CRTC3: variants seen among roughly 807,000 people sequenced by gnomAD.
CRTC3 encodes CREB-regulated transcription coactivator 3.
Under a neutral mutation model 74.5 loss-of-function variants are expected in CRTC3, and 26 were observed. The observed-to-expected ratio is 0.35, with a 90% CI of 0.26 to 0.48. The LOEUF is 0.48. CRTC3 is among the 20% of genes least tolerant of loss of function. The probability of loss-of-function intolerance (pLI) is 0.99; values close to 1 mark genes in which losing one functional copy is unlikely to be tolerated. For synonymous variants in CRTC3, 377 were observed against 325.8 expected (o/e 1.16, Z -1.69); for missense variants, 760 against 787.3 (o/e 0.97, Z 0.41).
intron 2 of CRTC3, among the ~76,000 whole-genome samples, chr15:90,590,246 T>A (rs1647242566): frequency 6.6e-6 from 1 of 151,438 alleles, no homozygotes; most frequent in Non-Finnish European, 1.5e-5. Context: ...TGAGCCAAGA[T>A]CATACCACTT....
chr15:90,559,266 T>C (rs560729694), intron 2 of CRTC3, among the ~76,000 whole-genome samples: 1 of 152,304 alleles, frequency 6.6e-6, no homozygotes, highest in Admixed American at 6.5e-5. Flanking sequence ...ATTGAATTCT[T>C]ACAGTAACCT....
chr15:90,587,574 T>C (rs1325014436), intron 2 of CRTC3, among the ~76,000 whole-genome samples: 1 of 152,128 alleles, frequency 6.6e-6, no homozygotes, highest in Non-Finnish European at 1.5e-5. Flanking sequence ...TTAAAACACA[T>C]AGAGTCCTAT....
chr15:90,575,671 C>G (rs937071830), intron 2 of CRTC3, among the ~76,000 whole-genome samples: 1 of 152,060 alleles, frequency 6.6e-6, no homozygotes, highest in African/African-American at 2.4e-5. Context: ...TATTAATCTG[C>G]GTGTCTATTC....
intron 2 of CRTC3, among the ~76,000 whole-genome samples, chr15:90,562,756 G>A (rs780887843): frequency 1.3e-5 from 2 of 152,076 alleles, no homozygotes; most frequent in African/African-American, 2.4e-5. Flanking sequence ...TCTCACCCTG[G>A]AACTTGGTTA....
intron 10 of CRTC3, among the ~76,000 whole-genome samples, chr15:90,628,257 C>A (rs925301955): frequency 2.6e-5 from 4 of 151,936 alleles, no homozygotes; most frequent in African/African-American, 4.8e-5. Flanking sequence ...AATAATTTTG[C>A]CAGCTGCTGG....
rs115612825 is a variant in CRTC3 at position 90,569,028 on chromosome 15, G to A, written c.232-24608G>A. 3.2e-3 allele frequency among the ~76,000 whole-genome samples: 472 copies of A among 148,046 alleles called. 5 individuals are homozygous for A. The highest frequency in any genetic ancestry group is 0.011 in the African/African-American group (438 of 40,198). ...TTTTTAAAGAGACAGAGTTTCTCCC[G>A]GTCACCCAGGCGAGAGTGCAGTGGT... On this transcript the variant is annotated intron_variant, in intron 2 of 14. Transcript: ENST00000268184.
Position 90,602,345 on chromosome 15 carries a change from G to C in CRTC3, c.373G>C (p.Ala125Pro). ...GRQFDGSAFG[A>P]NYSSQPLDES... Reference sequence around the variant, plus strand: ...CTACTTTGATGGTAGTGCTTTTGGAGCCAATTATTCCTCACAGCCTCTGGA... The same window carrying C: ...CTACTTTGATGGTAGTGCTTTTGGACCCAATTATTCCTCACAGCCTCTGGA... Residue 125 changes from alanine (A) to proline (P), a missense_variant, in exon 4 of 15, where the codon GCC (alanine) becomes CCC (proline). This residue lies in a region of CRTC3 where 652 missense variants were observed against 635.2 expected (regional missense o/e 1.03). Coordinates refer to ENST00000268184, the MANE Select transcript of CRTC3 (RefSeq NM_022769.5). 1 of 1,600,044 alleles carries C rather than the reference G, an allele frequency of 6.2e-7. No individual in the cohort carries two copies.
intron 2 of CRTC3, among the ~76,000 whole-genome samples, chr15:90,550,664 A>G (rs1447056483): frequency 6.6e-6 from 1 of 151,736 alleles, no homozygotes; most frequent in Non-Finnish European, 1.5e-5. Flanking sequence ...CTGTGTGCAT[A>G]TTTGCATGTC....
chr15:90,544,863 A>T (rs1306043506), intron 2 of CRTC3, among the ~76,000 whole-genome samples: 1 of 152,226 alleles, frequency 6.6e-6, no homozygotes, highest in Non-Finnish European at 1.5e-5. Flanking sequence ...CATTTTTTAA[A>T]GTAGTTTATT....
chr15:90,604,576 AC>A (rs1968168127), intron 5 of CRTC3, 129 bp downstream of exon 5: 1 of 721,544 alleles, frequency 1.4e-6, no homozygotes, highest in Non-Finnish European at 2.4e-6. Flanking sequence ...TCAAAACAAA[AC>A]CCACCATTTT....
rs1262136499 is a variant in CRTC3, at chr15:90,626,004, C to T, written c.967+11C>T. The T allele has an allele frequency of 6.2e-7, 1 of 1,607,866 alleles. No homozygotes were observed. Among genetic ancestry groups the T allele is most frequent in the Non-Finnish European group, 8.5e-7 (1 of 1,174,374 alleles). On this transcript the variant is annotated intron_variant, in intron 10 of 14. Coordinates refer to ENST00000268184, the MANE Select transcript of CRTC3 (RefSeq NM_022769.5). Reference sequence around the variant, plus strand: ...TAAGAAGCTCCTCTGGTGAGTATCTCCTGCTTAGCAGTGACCTGGTGGCTT... The same window carrying T: ...TAAGAAGCTCCTCTGGTGAGTATCTTCTGCTTAGCAGTGACCTGGTGGCTT...
chr15:90,637,417 A>AG (rs535025948), intron 11 of CRTC3, among the ~76,000 whole-genome samples: 46 of 152,282 alleles, frequency 3.0e-4, no homozygotes, highest in African/African-American at 1.1e-3. Context: ...GATGCGGGGA[A>AG]GGGGGAGGGA....
intron 2 of CRTC3, among the ~76,000 whole-genome samples, chr15:90,586,547 G>A (rs1967669485): frequency 6.6e-6 from 1 of 151,764 alleles, no homozygotes; most frequent in Non-Finnish European, 1.5e-5. Flanking sequence ...TGTGTTTTTA[G>A]TAGAGACGGG....
At chr15:90,601,376 G>T (rs1027797659) in intron 3 of CRTC3, among the ~76,000 whole-genome samples, 64 of 152,126 alleles carry the variant, frequency 4.2e-4, no homozygotes, top group African/African-American at 1.5e-3. Context: ...ACCGCCGGGC[G>T]CAGTGGCTCA....
intron 2 of CRTC3, among the ~76,000 whole-genome samples, chr15:90,589,603 TC>T (rs1278566646): frequency 6.6e-6 from 1 of 152,012 alleles, no homozygotes; most frequent in East Asian, 1.9e-4. Flanking sequence ...CAAGTGACCC[TC>T]CCCTTTGGCC....
intron 2 of CRTC3, among the ~76,000 whole-genome samples, chr15:90,584,615 T>C (rs879275588): frequency 6.6e-6 from 1 of 152,208 alleles, no homozygotes; most frequent in Admixed American, 6.5e-5. Flanking sequence ...TATTTAGTAC[T>C]GGTGGCCAAT....
chr15:90,551,095 A>G (rs1966855268), intron 2 of CRTC3, among the ~76,000 whole-genome samples: 2 of 150,604 alleles, frequency 1.3e-5, no homozygotes, highest in South Asian at 2.1e-4. Context: ...GGGTTACATA[A>G]TTAGACTCCT....
chr15:90,566,026 C>A (rs1411688711), intron 2 of CRTC3, among the ~76,000 whole-genome samples: 1 of 152,186 alleles, frequency 6.6e-6, no homozygotes, highest in Non-Finnish European at 1.5e-5. Flanking sequence ...AAATTAAGTG[C>A]TATTCTGATG....
At chr15:90,587,739 A>T (rs1409573971) in intron 2 of CRTC3, among the ~76,000 whole-genome samples, 2 of 152,062 alleles carry the variant, frequency 1.3e-5, no homozygotes, top group African/African-American at 2.4e-5. Flanking sequence ...TCAGCCTCCC[A>T]AGTAGCTGGG....
Sources: allele counts gnomAD v4.1 joint callset (sites outside exome capture counted in the v4.1 genomes callset), GRCh38; gene constraint gnomAD v4.1.1; regional missense constraint gnomAD v4.1.1; transcripts MANE v1.5; gene names NCBI Gene and HGNC (gene_info 2026-07-23, HGNC 2026-07-21).